XPA: variants seen among roughly 807,000 people sequenced by gnomAD.
The protein encoded by XPA is DNA repair protein complementing XP-A cells.
XPA carries 27 observed loss-of-function variants against 35.7 expected under a neutral mutation model. The ratio of observed to expected loss-of-function variants is 0.76; its 90% CI spans 0.56 to 1.04. XPA has a LOEUF of 1.04. XPA is among the 50% of genes least tolerant of loss of function. XPA has a pLI of 0.00. For missense variants in XPA, 354 were observed against 342.7 expected (o/e 1.03, Z -0.26); for synonymous variants, 133 against 118.4 (o/e 1.12, Z -0.80).
intron 5 of XPA, 148 bp downstream of exon 5, chr9:97,684,775 T>C: frequency 1.4e-6 from 1 of 721,310 alleles, no homozygotes; most frequent in Non-Finnish European, 2.4e-6. Context: ...AAGACCAACA[T>C]ACTGAGGGCA....
the XPA span, chr9:97,664,568 G>C: frequency 1.6e-6 from 1 of 619,796 alleles, no homozygotes; most frequent in East Asian, 2.8e-5. Context: ...GTCCAATCTG[G>C]TAGGATTGGA....
chr9:97,684,354 G>A (rs990505438), intron 5 of XPA, among the ~76,000 whole-genome samples: 2 of 152,214 alleles, frequency 1.3e-5, no homozygotes, highest in African/African-American at 2.4e-5. Context: ...GGGAATGCAT[G>A]CAAAGACAGA....
At chr9:97,677,765 CCTT>C (rs1341131365) in intron 5 of XPA, among the ~76,000 whole-genome samples, 2 of 145,730 alleles carry the variant, frequency 1.4e-5, no homozygotes, top group Admixed American at 6.7e-5. Context: ...TTTTTTTTAC[CCTT>C]CTTTCCCTTT....
In XPA at chr9:97,675,581, C is replaced by T. The variant is rs756290428; in HGVS notation, c.680G>A (p.Arg227Gln). The T allele has an allele frequency of 2.4e-5, 38 of 1,613,610 alleles. No individual in the cohort carries two copies. The highest frequency in any genetic ancestry group is 2.7e-5 in the African/African-American group (2 of 74,834). ...KKFDKKVKEL[R>Q]RAVRSSVWKR... is the part of the protein sequence containing the mutation. Reference sequence around the variant, plus strand: ...CCACACGCTGCTTCTTACTGCTCGCCGCAATTCTGAAAAAAAAATTTTAAA... The same window carrying T: ...CCACACGCTGCTTCTTACTGCTCGCTGCAATTCTGAAAAAAAAATTTTAAA... Residue 227 changes from arginine to glutamine, a missense_variant, in exon 6 of 6, where the codon CGG becomes CAG. Physicochemically the swap from Arg to Gln is conservative, Grantham distance 43 (BLOSUM62 1). Coordinates refer to ENST00000375128, the MANE Select transcript of XPA (RefSeq NM_000380.4).
the XPA span, among the ~76,000 whole-genome samples, chr9:97,659,811 A>G: frequency 2.0e-5 from 3 of 152,346 alleles, no homozygotes; most frequent in Admixed American, 6.5e-5. Flanking sequence ...CCCCATAGGA[A>G]TAACTCCGCC....
the XPA span, among the ~76,000 whole-genome samples, chr9:97,661,732 G>GTTTT: frequency 2.7e-5 from 3 of 113,070 alleles, no homozygotes; most frequent in East Asian, 5.0e-4. Context: ...AAGCTTAAGT[G>GTTTT]TTTTTTTTTT....
chr9:97,655,775 GTTTGT>G, the XPA span: 40 of 1,605,112 alleles, frequency 2.5e-5, no homozygotes, highest in Middle Eastern at 1.7e-4. Flanking sequence ...GTAAGTGATG[GTTTGT>G]TTTATCTTTT....
chr9:97,662,348 G>A, the XPA span, among the ~76,000 whole-genome samples: 7 of 152,332 alleles, frequency 4.6e-5, no homozygotes, highest in Admixed American at 4.6e-4. Flanking sequence ...TATGTACATG[G>A]TAAGTGCTTT....
the XPA span, among the ~76,000 whole-genome samples, chr9:97,668,653 T>C: frequency 6.6e-6 from 1 of 151,952 alleles, no homozygotes; most frequent in African/African-American, 2.4e-5. Context: ...AATTTCTGAA[T>C]GAGAAGACAG....
chr9:97,668,187 C>T, the XPA span, among the ~76,000 whole-genome samples: 1 of 152,188 alleles, frequency 6.6e-6, no homozygotes. Flanking sequence ...TCTGGCTCTG[C>T]CACTTTCTGA....
At chr9:97,681,448 A>G (rs547018476) in intron 5 of XPA, among the ~76,000 whole-genome samples, 2 of 152,190 alleles carry the variant, frequency 1.3e-5, no homozygotes, top group South Asian at 4.1e-4. Context: ...CCACAGGCCC[A>G]CAATGTACAA....
At chr9:97,691,384 C>A (rs1828882757) in intron 2 of XPA, among the ~76,000 whole-genome samples, 1 of 152,174 alleles carries the variant, frequency 6.6e-6, no homozygotes, top group Non-Finnish European at 1.5e-5. Context: ...CCTGTAAGAA[C>A]TGTTTCTCCC....
At chr9:97,684,881 G>T (rs1457420725) in intron 5 of XPA, 42 bp downstream of exon 5, 1 of 1,536,226 alleles carries the variant, frequency 6.5e-7, no homozygotes, top group Admixed American at 1.7e-5. Flanking sequence ...TTTGCAAAAT[G>T]GTAAAACACA....
the XPA span, among the ~76,000 whole-genome samples, chr9:97,657,932 T>A: frequency 6.8e-3 from 943 of 139,366 alleles, 8 homozygotes; most frequent in African/African-American, 0.026. Flanking sequence ...ATATATTTTT[T>A]TTTTTTTTTT....
At chr9:97,663,084 T>A in the XPA span, 4 of 1,469,662 alleles carry the variant, frequency 2.7e-6, no homozygotes, top group African/African-American at 2.8e-5. Flanking sequence ...GAAGCTCTGA[T>A]TGTATGGGTA....
the XPA span, among the ~76,000 whole-genome samples, chr9:97,658,326 A>C: frequency 8.3e-4 from 127 of 152,238 alleles, no homozygotes; most frequent in African/African-American, 3.0e-3. Context: ...ATATTTATTT[A>C]TTTGATAGAA....
At chr9:97,675,855 T>G (rs1297097406) in intron 5 of XPA, 2 of 514,186 alleles carry the variant, frequency 3.9e-6, no homozygotes, top group Non-Finnish European at 7.0e-6. Flanking sequence ...GTTGGTGGTA[T>G]GCAAAACAGA....
At chr9:97,655,021 C>T in the XPA span, 2 of 1,225,818 alleles carry the variant, frequency 1.6e-6, no homozygotes, top group Non-Finnish European at 2.2e-6. Flanking sequence ...TTGAGAAAGA[C>T]ATTTTTAAGA....
chr9:97,685,492 A>T (rs2131394097), intron 4 of XPA, among the ~76,000 whole-genome samples: 1 of 152,284 alleles, frequency 6.6e-6, no homozygotes, highest in South Asian at 2.1e-4. Context: ...TATCGACTTG[A>T]CTTCTGATCT....
Sources: allele counts gnomAD v4.1 joint callset (sites outside exome capture counted in the v4.1 genomes callset), GRCh38; gene constraint gnomAD v4.1.1; transcripts MANE v1.5; gene names NCBI Gene and HGNC (gene_info 2026-07-23, HGNC 2026-07-21).